The following PCDH15 variants were observed in gnomAD, a reference collection of about 807,000 sequenced individuals.
The protein encoded by PCDH15 is protocadherin-15.
A neutral mutation model predicts 178.5 loss-of-function variants in PCDH15; 129 were observed. That is an observed-to-expected ratio of 0.72 (90% CI 0.63 to 0.84). The LOEUF (loss-of-function observed/expected upper bound fraction) is 0.84, where lower values mean the gene tolerates loss of function less well. PCDH15 is among the 40% of genes least tolerant of loss of function. The pLI, the probability that PCDH15 is intolerant of heterozygous loss-of-function variation, is 0.00. For missense variants in PCDH15, 2,230 were observed against 2,099.9 expected (o/e 1.06, Z -1.21); for synonymous variants, 800 against 732.0 (o/e 1.09, Z -1.50).
intron 21 of PCDH15, among the ~76,000 whole-genome samples, chr10:53,991,898 T>A (rs567821982): frequency 6.6e-6 from 1 of 152,152 alleles, no homozygotes; most frequent in South Asian, 2.1e-4. Flanking sequence ...CAGCATGATG[T>A]GGGTGGGGTC....
intron 12 of PCDH15, among the ~76,000 whole-genome samples, chr10:54,183,984 A>G (rs2048251317): frequency 6.6e-6 from 1 of 152,136 alleles, no homozygotes; most frequent in Non-Finnish European, 1.5e-5. Context: ...TGTACAGTCA[A>G]TGTGTTTATA....
intron 3 of PCDH15, among the ~76,000 whole-genome samples, chr10:54,815,689 C>T (rs1183516777): frequency 6.6e-6 from 1 of 152,022 alleles, no homozygotes; most frequent in Admixed American, 6.6e-5. Context: ...GCCGACAGTA[C>T]TCCCAGGCAA....
chr10:53,820,609 G>A (rs756342014), intron 32 of PCDH15, among the ~76,000 whole-genome samples: 1 of 151,942 alleles, frequency 6.6e-6, no homozygotes, highest in Non-Finnish European at 1.5e-5. Context: ...ACTTACATGT[G>A]CATTCAAAAT....
At chr10:54,899,726 A>T (rs1192104531) in intron 2 of PCDH15, among the ~76,000 whole-genome samples, 1 of 152,062 alleles carries the variant, frequency 6.6e-6, no homozygotes, top group Admixed American at 6.6e-5. Context: ...CGAACTTCTG[A>T]CGTTGTGATC....
chr10:55,318,396 C>T (rs1268901401), intron 1 of PCDH15, among the ~76,000 whole-genome samples: 2 of 151,908 alleles, frequency 1.3e-5, no homozygotes, highest in African/African-American at 4.8e-5. Context: ...GACATAGATT[C>T]ATAATGAAAA....
chr10:55,070,454 T>C (rs1284104567), intron 2 of PCDH15, among the ~76,000 whole-genome samples: 1 of 152,276 alleles, frequency 6.6e-6, no homozygotes, highest in East Asian at 1.9e-4. Flanking sequence ...TTAATTTTTG[T>C]ATAAGGTGTA....
At chr10:55,488,915 T>C (rs1377821207) in intron 2 of PCDH15, among the ~76,000 whole-genome samples, 2 of 151,274 alleles carry the variant, frequency 1.3e-5, no homozygotes, top group East Asian at 3.9e-4. Flanking sequence ...AGAAAGTAAA[T>C]GCAATAAAAA....
At chr10:54,882,866 T>C (rs1397334714) in intron 3 of PCDH15, among the ~76,000 whole-genome samples, 1 of 152,090 alleles carries the variant, frequency 6.6e-6, no homozygotes, top group African/African-American at 2.4e-5. Flanking sequence ...ATTAGTATGA[T>C]GTACTGTCGC....
rs199701100 is a variant in PCDH15, at chr10:54,485,298, T to C, written c.157+42514A>G. 2.6e-5 allele frequency among the ~76,000 whole-genome samples: 4 copies of C among 151,840 alleles called. No homozygotes were observed. The East Asian group carries it at 7.7e-4, about 29-fold the overall frequency. Reference sequence around the variant, plus strand: ...ATCAAAGGACCCCTTTAACTAAAAATGTGTTTCTAGAAAAGTGTTCCAAAA... The same window carrying C: ...ATCAAAGGACCCCTTTAACTAAAAACGTGTTTCTAGAAAAGTGTTCCAAAA... On this transcript the variant is annotated intron_variant, in intron 3 of 37. Coordinates refer to ENST00000644397, the MANE Select transcript of PCDH15 (RefSeq NM_001384140.1).
chr10:54,148,412 T>C (rs1411073594), intron 14 of PCDH15, among the ~76,000 whole-genome samples: 2 of 152,046 alleles, frequency 1.3e-5, no homozygotes, highest in South Asian at 2.1e-4. Context: ...TTAAATCATC[T>C]CGAGATTACT....
At chr10:54,060,287 A>G (rs2093986211) in intron 18 of PCDH15, among the ~76,000 whole-genome samples, 1 of 152,194 alleles carries the variant, frequency 6.6e-6, no homozygotes, top group African/African-American at 2.4e-5. Context: ...AAGATTTTAT[A>G]GTTTCTTAAG....
intron 2 of PCDH15, among the ~76,000 whole-genome samples, chr10:54,528,100 T>A (rs1215224437): frequency 6.6e-6 from 1 of 151,950 alleles, no homozygotes. Flanking sequence ...ACTACTCAAA[T>A]CTTACTGAGA....
chr10:54,028,846 A>C (rs2093205011), intron 18 of PCDH15, among the ~76,000 whole-genome samples: 1 of 149,654 alleles, frequency 6.7e-6, no homozygotes, highest in Non-Finnish European at 1.5e-5. Context: ...CTAGATGACG[A>C]GTTAGTGGGT....
intron 4 of PCDH15, among the ~76,000 whole-genome samples, chr10:54,375,898 A>T (rs866654651): frequency 2.2e-4 from 31 of 139,588 alleles, no homozygotes; most frequent in African/African-American, 8.1e-4. Context: ...TATATATATA[A>T]TTTTTTTTCT....
chr10:54,134,047 T>A (rs2042676384), intron 14 of PCDH15, among the ~76,000 whole-genome samples: 1 of 135,246 alleles, frequency 7.4e-6, no homozygotes, highest in African/African-American at 2.6e-5. Context: ...TATTTATTTA[T>A]TTATTTATTT....
chr10:54,517,941 C>CA (rs764347786), intron 3 of PCDH15, among the ~76,000 whole-genome samples: 1 of 152,300 alleles, frequency 6.6e-6, no homozygotes, highest in East Asian at 1.9e-4. Flanking sequence ...GGAAACTGAA[C>CA]AACCTGCTCC....
intron 2 of PCDH15, among the ~76,000 whole-genome samples, chr10:54,634,873 C>A (rs184061969): frequency 9.9e-5 from 15 of 151,912 alleles, no homozygotes; most frequent in African/African-American, 3.1e-4. Context: ...CTGTCACTGC[C>A]TTGGATTATA....
At chr10:53,995,890 A>G in intron 20 of PCDH15, 125 bp from the exon 21 acceptor site, 2 of 848,000 alleles carry the variant, frequency 2.4e-6, no homozygotes, top group South Asian at 1.4e-5. Flanking sequence ...CATCCTCTCA[A>G]TTCCATTACT....
At chr10:55,463,587 A>C (rs1839725744) in intron 2 of PCDH15, among the ~76,000 whole-genome samples, 1 of 152,182 alleles carries the variant, frequency 6.6e-6, no homozygotes. Context: ...TGAGTCCAGT[A>C]GGTGCAGGCT....
Sources: gnomAD v4.1 joint callset for allele counts (sites outside exome capture counted in the v4.1 genomes callset) on GRCh38, gnomAD v4.1.1 for gene constraint, MANE v1.5 for transcripts, NCBI Gene and HGNC (gene_info 2026-07-23, HGNC 2026-07-21) for gene names.